The following GPC6 variants were observed in gnomAD, a reference collection of about 807,000 sequenced individuals.
GPC6 encodes the protein glypican 6.
A neutral mutation model predicts 55.2 loss-of-function variants in GPC6; 14 were observed. The ratio of observed to expected loss-of-function variants is 0.25; its 90% CI spans 0.17 to 0.40. GPC6 has a LOEUF of 0.40. Ranked by LOEUF, GPC6 falls within the 10% of genes least tolerant of loss-of-function variation. The pLI is 1.00. For missense variants in GPC6, 641 were observed against 708.5 expected (o/e 0.90, Z 1.08); for synonymous variants, 278 against 259.6 (o/e 1.07, Z -0.68).
intron 3 of GPC6, among the ~76,000 whole-genome samples, chr13:94,022,615 T>C (rs961732872): frequency 1.3e-5 from 2 of 152,072 alleles, no homozygotes; most frequent in African/African-American, 4.8e-5. Context: ...GAAAAGGGAT[T>C]ACTGGACTTT....
At chr13:94,084,358 A>C (rs1372154423) in intron 4 of GPC6, among the ~76,000 whole-genome samples, 1 of 152,178 alleles carries the variant, frequency 6.6e-6, no homozygotes, top group East Asian at 1.9e-4. Context: ...TTCCTTGCCT[A>C]GTAATGCAAC....
intron 1 of GPC6, among the ~76,000 whole-genome samples, chr13:93,429,091 TATTGAC>T (rs1877259053): frequency 6.6e-6 from 1 of 152,126 alleles, no homozygotes; most frequent in Admixed American, 6.6e-5. Context: ...CATTCTCAGG[TATTGAC>T]ATTATACAGA....
chr13:93,420,680 A>C (rs1876891221), intron 1 of GPC6, among the ~76,000 whole-genome samples: 1 of 152,196 alleles, frequency 6.6e-6, no homozygotes, highest in African/African-American at 2.4e-5. Flanking sequence ...AACAGAAAAC[A>C]GGAGAGACCT....
At chr13:94,210,956 C>T (rs890588778) in intron 4 of GPC6, among the ~76,000 whole-genome samples, 3 of 152,154 alleles carry the variant, frequency 2.0e-5, no homozygotes, top group African/African-American at 7.2e-5. Context: ...CAGAAACCGT[C>T]GCAGTTAATT....
intron 4 of GPC6, among the ~76,000 whole-genome samples, chr13:94,190,674 A>G (rs1377630229): frequency 6.6e-6 from 1 of 152,214 alleles, no homozygotes; most frequent in Non-Finnish European, 1.5e-5. Flanking sequence ...AATTTACTAA[A>G]GTTAATAACT....
chr13:93,632,636 T>TATATATATAA (rs377056284), intron 2 of GPC6, among the ~76,000 whole-genome samples: 1,951 of 127,962 alleles, frequency 0.015, 37 homozygotes, highest in Middle Eastern at 0.047. Flanking sequence ...TATATATATA[T>TATATATATAA]AATAAAATAA....
intron 3 of GPC6, among the ~76,000 whole-genome samples, chr13:93,872,895 G>A (rs565762823): frequency 2.6e-5 from 4 of 151,770 alleles, no homozygotes; most frequent in Non-Finnish European, 5.9e-5. Context: ...TTATGCCATC[G>A]AATTTCAGAT....
intron 5 of GPC6, among the ~76,000 whole-genome samples, chr13:94,291,844 C>CAGA (rs1478961477): frequency 1.3e-5 from 2 of 152,036 alleles, no homozygotes; most frequent in African/African-American, 2.4e-5. Flanking sequence ...CAGGTGAGGC[C>CAGA]AGAAGCTAAC....
intron 5 of GPC6, among the ~76,000 whole-genome samples, chr13:94,290,960 G>A (rs1874929285): frequency 1.3e-5 from 2 of 152,206 alleles, no homozygotes; most frequent in Non-Finnish European, 2.9e-5. Context: ...GGGAGGCCCA[G>A]GTGGGCAGAT....
chr13:93,492,195 C>T (rs942432813), intron 1 of GPC6, among the ~76,000 whole-genome samples: 2 of 146,400 alleles, frequency 1.4e-5, no homozygotes, highest in East Asian at 2.0e-4. Context: ...CTTTTATTTC[C>T]TTGAGCAGTG....
At chr13:93,579,631 G>T (rs1876841919) in intron 2 of GPC6, among the ~76,000 whole-genome samples, 1 of 152,068 alleles carries the variant, frequency 6.6e-6, no homozygotes, top group African/African-American at 2.4e-5. Context: ...TTTGTATTTT[G>T]CTGGGATTTT....
At chr13:94,388,811 T>A (rs1206782928) in intron 7 of GPC6, among the ~76,000 whole-genome samples, 1 of 152,082 alleles carries the variant, frequency 6.6e-6, no homozygotes, top group Admixed American at 6.6e-5. Flanking sequence ...ACCCTCATGA[T>A]CTCATTCAAC....
At chr13:93,774,664 G>A (rs756008699) in intron 2 of GPC6, among the ~76,000 whole-genome samples, 5 of 152,140 alleles carry the variant, frequency 3.3e-5, no homozygotes, top group Non-Finnish European at 5.9e-5. Context: ...AAAGGCATAT[G>A]TGTCATAATC....
At chr13:94,143,901 A>G (rs1566460911) in intron 4 of GPC6, among the ~76,000 whole-genome samples, 1 of 152,196 alleles carries the variant, frequency 6.6e-6, no homozygotes, top group Non-Finnish European at 1.5e-5. Flanking sequence ...ATTAATAAAT[A>G]AATAAAATTA....
chr13:94,064,157 A>G lies in GPC6; in HGVS notation c.877+36263A>G, dbSNP rs190102414. On this transcript the variant is annotated intron_variant, in intron 4 of 8. Coordinates refer to ENST00000377047, the MANE Select transcript of GPC6 (RefSeq NM_005708.5). ...AACTGAGCTTCTCTGGGACACGTTTATGACATATGTAAATGAGGAGGTGGT... is the reference window on the plus strand; with the variant it reads ...AACTGAGCTTCTCTGGGACACGTTTGTGACATATGTAAATGAGGAGGTGGT... Among the ~76,000 whole-genome samples, 15 of 152,268 alleles carry G rather than the reference A, an allele frequency of 9.9e-5. No homozygotes were observed. The East Asian group carries it at 2.7e-3, about 27-fold the overall frequency.
At chr13:93,955,824 C>T (rs1879484799) in intron 3 of GPC6, among the ~76,000 whole-genome samples, 1 of 152,200 alleles carries the variant, frequency 6.6e-6, no homozygotes, top group East Asian at 1.9e-4. Flanking sequence ...TAAAAAACTG[C>T]TTTAATGTTT....
chr13:94,190,655 T>A (rs1016469865), intron 4 of GPC6, among the ~76,000 whole-genome samples: 4 of 152,194 alleles, frequency 2.6e-5, no homozygotes, highest in Non-Finnish European at 4.4e-5. Flanking sequence ...AAGTATTGTA[T>A]CAATGTTCAA....
In GPC6 at chr13:94,403,465, A is replaced by AT; in HGVS notation, c.*253dup. ...TATTCTAGAGAGAATTCTTACTCAA[A>AT]TTTTTCGTACCAGGAGATTTTCTTA... On this transcript the variant is annotated 3_prime_UTR_variant, in exon 9 of 9. Transcript: ENST00000377047. 2.0e-6 allele frequency: 1 copy of AT among 511,808 alleles called. No individual in the cohort carries two copies. The highest frequency in any genetic ancestry group is 3.5e-6 in the Non-Finnish European group (1 of 282,878). 31.7% of individuals were successfully genotyped at this position (511,808 alleles called of 1,614,324 possible). A position where few individuals can be genotyped will look rare whatever the true frequency, so the allele number is the denominator to read the frequency against.
At chr13:93,881,635 T>C (rs1246837825) in intron 3 of GPC6, among the ~76,000 whole-genome samples, 8 of 152,088 alleles carry the variant, frequency 5.3e-5, no homozygotes, top group African/African-American at 1.9e-4. Context: ...AGCTAGGAAA[T>C]GTATGAGTGT....
Sources: gnomAD v4.1 joint callset for allele counts (sites outside exome capture counted in the v4.1 genomes callset) on GRCh38, gnomAD v4.1.1 for gene constraint, MANE v1.5 for transcripts, NCBI Gene and HGNC (gene_info 2026-07-23, HGNC 2026-07-21) for gene names.